Variants in ACOX3 observed in about 807,000 individuals in gnomAD.
ACOX3 encodes the protein acyl-CoA oxidase 3, pristanoyl.
A neutral mutation model predicts 81.5 loss-of-function variants in ACOX3; 73 were observed. The ratio of observed to expected loss-of-function variants is 0.90; its 90% CI spans 0.74 to 1.09. ACOX3 has a LOEUF of 1.09. Ranked by LOEUF, ACOX3 falls within the 50% of genes least tolerant of loss-of-function variation. The probability of loss-of-function intolerance (pLI) is 0.00; values close to 1 mark genes in which losing one functional copy is unlikely to be tolerated. For missense variants in ACOX3, 947 were observed against 928.0 expected (o/e 1.02, Z -0.27); for synonymous variants, 387 against 375.1 (o/e 1.03, Z -0.37).
downstream of ACOX3, among the ~76,000 whole-genome samples, chr4:8,364,590 G>A (rs191597705): frequency 6.6e-6 from 1 of 152,174 alleles, no homozygotes; most frequent in Non-Finnish European, 1.5e-5. This position sits in a 1 kb window ranked among gnomAD's most constrained non-coding sequence, Gnocchi z 5.0. Flanking sequence ...GCATCGCAGA[G>A]CTCTCCTGCA....
At position 8,430,453 on chromosome 4, in the gene ACOX3, A is replaced by C. The variant is rs772677411; in HGVS notation, c.-15+10195T>G. 6.6e-6 allele frequency among the ~76,000 whole-genome samples: 1 copy of C among 152,268 alleles called. No homozygotes were observed. Among genetic ancestry groups the C allele is most frequent in the African/African-American group, 2.4e-5 (1 of 41,478 alleles). ...TCAAATGTTTGGAGATACTGTTGAG[A>C]GTAATAAAATAACCATTTATTGCAG... is the stretch of plus-strand genomic sequence containing the variant. On this transcript the variant is annotated intron_variant, in intron 1 of 17. Coordinates refer to ENST00000356406, the MANE Select transcript of ACOX3 (RefSeq NM_003501.3). This position sits in a 1 kb window ranked among gnomAD's most constrained non-coding sequence, Gnocchi z 5.2.
chr4:8,409,956 T>C (rs1264589541), intron 6 of ACOX3, among the ~76,000 whole-genome samples: 1 of 148,984 alleles, frequency 6.7e-6, no homozygotes, highest in Non-Finnish European at 1.5e-5. Context: ...CTGTGCACTG[T>C]GGGCAGGGTT....
At chr4:8,372,772 T>C (rs1202875217) in intron 16 of ACOX3, among the ~76,000 whole-genome samples, 1 of 152,250 alleles carries the variant, frequency 6.6e-6, no homozygotes, top group Non-Finnish European at 1.5e-5. Flanking sequence ...TGCAGTCACC[T>C]GAGACATTGT....
Position 8,399,591 on chromosome 4 carries a change from C to T in ACOX3, c.838G>A (p.Val280Ile), listed in dbSNP as rs752385234. The T allele has an allele frequency of 1.1e-5, 18 of 1,614,048 alleles. No homozygotes were observed. Among genetic ancestry groups the T allele is most frequent in the South Asian group, 7.7e-5 (7 of 91,082 alleles). ...RQSLLNRMGDVTPEGTYVSPF... is the reference protein window; with the variant it reads ...RQSLLNRMGDITPEGTYVSPF... ...CTGACATAGGTGCCCTCGGGGGTGA[C>T]GTCTCCCATCCGGTTCAGAAGGCTC... is the stretch of plus-strand genomic sequence containing the variant. Residue 280 changes from valine (V) to isoleucine (I), a missense_variant, in exon 8 of 18, where the codon GTC becomes ATC. Transcript: ENST00000356406. The surrounding 1 kb of genome is among the most constrained non-coding windows in gnomAD (Gnocchi z 4.9).
chr4:8,411,563 A>C (rs1721729890), intron 5 of ACOX3, among the ~76,000 whole-genome samples: 1 of 152,062 alleles, frequency 6.6e-6, no homozygotes, highest in Non-Finnish European at 1.5e-5. Context: ...GGCAGTTCTG[A>C]TACCTCCACC....
At position 8,415,949 on chromosome 4, in the gene ACOX3, A is replaced by G; in HGVS notation, c.195T>C (p.Pro65=). 6.2e-7 allele frequency: 1 copy of G among 1,614,222 alleles called. No homozygotes were observed. The highest frequency in any genetic ancestry group is 8.5e-7 in the Non-Finnish European group (1 of 1,180,036). ...LENDPLFARS[P]GADLSLEKYR... ...ACTTCTCCAAGGACAGATCGGCTCC[A>G]GGGGAACGAGCGAAAAGAGGGTCAT... The change falls in exon 3 of 18, where the codon CCT becomes CCC. Residue 65 remains proline, a synonymous_variant. Coordinates refer to ENST00000356406, the MANE Select transcript of ACOX3 (RefSeq NM_003501.3).
In ACOX3 at chr4:8,437,708, A is replaced by G. The variant is rs1005784361; in HGVS notation, c.-15+2940T>C. Among the ~76,000 whole-genome samples the G allele has an allele frequency of 6.6e-5, 10 of 152,362 alleles. No homozygotes were observed. Among genetic ancestry groups the G allele is most frequent in the African/African-American group, 2.2e-4 (9 of 41,586 alleles). ...TAGAGAGACATTAATGTGTGAGATG[A>G]AAAAAGAAAGGACACTAGAAGGGTG... On this transcript the variant is annotated intron_variant, in intron 1 of 17. Coordinates refer to ENST00000356406, the MANE Select transcript of ACOX3 (RefSeq NM_003501.3). The surrounding 1 kb of genome is among the most constrained non-coding windows in gnomAD (Gnocchi z 5.2).
chr4:8,364,951 G>C (rs1379861451), downstream of ACOX3, among the ~76,000 whole-genome samples: 1 of 152,176 alleles, frequency 6.6e-6, no homozygotes, highest in Middle Eastern at 3.2e-3. This position sits in a 1 kb window ranked among gnomAD's most constrained non-coding sequence, Gnocchi z 5.0. Flanking sequence ...CCACCACCTA[G>C]AATCTAGCTG....
chr4:8,356,797 A>G, the ACOX3 span: 4 of 438,018 alleles, frequency 9.1e-6, no homozygotes, highest in Admixed American at 7.3e-5. Flanking sequence ...GAAGAAAGTG[A>G]GCAGAATGGT....
At position 8,399,917 on chromosome 4, in the gene ACOX3, C is replaced by G. The variant is rs546208650; in HGVS notation, c.777-265G>C. On this transcript the variant is annotated intron_variant, in intron 7 of 17. Coordinates refer to ENST00000356406, the MANE Select transcript of ACOX3 (RefSeq NM_003501.3). The surrounding 1 kb of genome is among the most constrained non-coding windows in gnomAD (Gnocchi z 4.9). ...GAGTTTGAGACCAGCCTGGGCAACA[C>G]AGTGAGACCCTGTTTCTAAAAAAGA... Among the ~76,000 whole-genome samples the G allele has an allele frequency of 2.6e-5, 4 of 152,084 alleles. No homozygotes were observed. The highest frequency in any genetic ancestry group is 9.7e-5 in the African/African-American group (4 of 41,406).
At chr4:8,387,160 T>G (rs897729164) in intron 13 of ACOX3, among the ~76,000 whole-genome samples, 8 of 152,282 alleles carry the variant, frequency 5.3e-5, no homozygotes, top group African/African-American at 1.9e-4. Context: ...GCTGCTGAGC[T>G]GAGCACTGAT....
chr4:8,412,995 ACTGCACCC>A, intron 5 of ACOX3, among the ~76,000 whole-genome samples: 1 of 57,894 alleles, frequency 1.7e-5, no homozygotes, highest in East Asian at 4.6e-4. Flanking sequence ...GGCCTGTCTC[ACTGCACCC>A]CTGCACCCCT....
Position 8,407,134 on chromosome 4 carries a change from TC to T in ACOX3, c.688-1092del. 6.6e-6 allele frequency among the ~76,000 whole-genome samples: 1 copy of T among 152,324 alleles called. No individual in the cohort carries two copies. Among genetic ancestry groups the T allele is most frequent in the South Asian group, 2.1e-4 (1 of 4,826 alleles). On this transcript the variant is annotated intron_variant, in intron 6 of 17. Coordinates refer to ENST00000356406, the MANE Select transcript of ACOX3 (RefSeq NM_003501.3). The surrounding 1 kb of genome is among the most constrained non-coding windows in gnomAD (Gnocchi z 4.6). ...GCCCTGTCTGGGCATAACAGAAGGCTCGTACTCTTGTCTTCTGGTCACTCCT... is the reference window on the plus strand; with the variant it reads ...GCCCTGTCTGGGCATAACAGAAGGCTGTACTCTTGTCTTCTGGTCACTCCT...
chr4:8,384,680 T>A lies in ACOX3; in HGVS notation c.1538-3073A>T, dbSNP rs1578884130. On this transcript the variant is annotated intron_variant, in intron 13 of 17. Transcript: ENST00000356406. This position sits in a 1 kb window ranked among gnomAD's most constrained non-coding sequence, Gnocchi z 5.3. ...CCCATGGTGAGCTCTTCGCATGCACTGCCTGCCTTTCGGGTCTCGGTTTCC... is the reference window on the plus strand; with the variant it reads ...CCCATGGTGAGCTCTTCGCATGCACAGCCTGCCTTTCGGGTCTCGGTTTCC... Among the ~76,000 whole-genome samples, 1 of 152,184 alleles carries A rather than the reference T, an allele frequency of 6.6e-6. No homozygotes were observed. Among genetic ancestry groups the A allele is most frequent in the Non-Finnish European group, 1.5e-5 (1 of 68,040 alleles).
At chr4:8,422,348 T>G (rs933699595) in intron 1 of ACOX3, among the ~76,000 whole-genome samples, 7 of 152,228 alleles carry the variant, frequency 4.6e-5, no homozygotes, top group African/African-American at 1.7e-4. Context: ...GAAGGTCTTC[T>G]CTATGACCCT....
chr4:8,428,956 CAGAG>C lies in ACOX3; in HGVS notation c.-15+11688_-15+11691del, dbSNP rs1723779831. ...AGAACCGTGGTTCTGCAGAGTTTCT[CAGAG>C]AGCCCCTAGTGGAAGTGGGCCCTCA... On this transcript the variant is annotated intron_variant, in intron 1 of 17. Transcript: ENST00000356406. Among the ~76,000 whole-genome samples the C allele has an allele frequency of 2.0e-5, 3 of 152,314 alleles. No individual in the cohort carries two copies. In the South Asian group the frequency reaches 6.2e-4, roughly 32 times the overall value.
chr4:8,428,793 G>A (rs1341881790), intron 1 of ACOX3, among the ~76,000 whole-genome samples: 1 of 152,222 alleles, frequency 6.6e-6, no homozygotes, highest in African/African-American at 2.4e-5. Flanking sequence ...TTAATCAGCA[G>A]GCTCTAGGTG....
In ACOX3 at chr4:8,400,817, C is replaced by T. The variant is rs938549037; in HGVS notation, c.777-1165G>A. ...GGTTTTATGGAAGACAATTTTTCCA[C>T]GAATGAGGGGGAGGTGGGAGTGGTT... On this transcript the variant is annotated intron_variant, in intron 7 of 17. Coordinates refer to ENST00000356406, the MANE Select transcript of ACOX3 (RefSeq NM_003501.3). This position sits in a 1 kb window ranked among gnomAD's most constrained non-coding sequence, Gnocchi z 4.4. 6.6e-5 allele frequency among the ~76,000 whole-genome samples: 10 copies of T among 152,080 alleles called. No individual in the cohort carries two copies. The highest frequency in any genetic ancestry group is 5.9e-5 in the Non-Finnish European group (4 of 68,026).
At position 8,407,844 on chromosome 4, in the gene ACOX3, C is replaced by G. The variant is rs1376067692; in HGVS notation, c.688-1801G>C. On this transcript the variant is annotated intron_variant, in intron 6 of 17. Coordinates refer to ENST00000356406, the MANE Select transcript of ACOX3 (RefSeq NM_003501.3). The surrounding 1 kb of genome is among the most constrained non-coding windows in gnomAD (Gnocchi z 4.6). The stretch of plus-strand genomic sequence containing the variant: ...TTGGGCACTGTTACAGCAGGGATTC[C>G]CAACCATGAGACGTGCCACCTTCCC... Among the ~76,000 whole-genome samples the G allele has an allele frequency of 3.3e-5, 5 of 152,204 alleles. No homozygotes were observed. The highest frequency in any genetic ancestry group is 1.2e-4 in the African/African-American group (5 of 41,454).
Sources: allele counts gnomAD v4.1 joint callset (sites outside exome capture counted in the v4.1 genomes callset), GRCh38; gene constraint gnomAD v4.1.1; non-coding constraint Gnocchi (gnomAD v3.1); transcripts MANE v1.5; gene names NCBI Gene and HGNC (gene_info 2026-07-23, HGNC 2026-07-21).